Variants in MAP3K2 observed in about 807,000 individuals in gnomAD.
MAP3K2 encodes the protein mitogen-activated protein kinase kinase kinase 2.
MAP3K2 carries 24 observed loss-of-function variants against 80.3 expected under a neutral mutation model. The ratio of observed to expected loss-of-function variants is 0.30; its 90% CI spans 0.22 to 0.42. The LOEUF (loss-of-function observed/expected upper bound fraction) is 0.42, where lower values mean the gene tolerates loss of function less well. Among genes scored for constraint, MAP3K2 ranks in the 10% least tolerant of loss-of-function variants. MAP3K2 has a pLI of 1.00. For missense variants in MAP3K2, 608 were observed against 750.1 expected, an observed-to-expected ratio of 0.81 and a Z score of 2.21; for synonymous variants, 244 against 253.7, an observed-to-expected ratio of 0.96 and a Z score of 0.36.
chr2:127,335,443 C>A (rs934775190), intron 5 of MAP3K2, among the ~76,000 whole-genome samples: 1 of 152,198 alleles, frequency 6.6e-6, no homozygotes, highest in Non-Finnish European at 1.5e-5. Flanking sequence ...ATCATACATA[C>A]TGATTCCCAA....
rs370547474 is a variant in MAP3K2 at position 127,365,692 on chromosome 2, AGT to A, written c.-66+21758_-66+21759del. Among the ~76,000 whole-genome samples, 619 of 152,288 alleles carry A rather than the reference AGT, an allele frequency of 4.1e-3. 4 individuals are homozygous for A. Among genetic ancestry groups the A allele is most frequent in the African/African-American group, 0.014 (577 of 41,554 alleles). On this transcript the variant is annotated intron_variant, in intron 1 of 16. Coordinates refer to ENST00000682094, the MANE Select transcript of MAP3K2 (RefSeq NM_001371910.2). ...TCTCCACAGACTTTTCACCAGCTCC[AGT>A]GTGTGGTCCCACTCCAGTAGCTGGG...
intron 1 of MAP3K2, among the ~76,000 whole-genome samples, chr2:127,373,150 G>A (rs1421912848): frequency 1.3e-5 from 2 of 152,202 alleles, no homozygotes; most frequent in South Asian, 2.1e-4. Context: ...GTCCTACCAT[G>A]TGTCAGTATC....
chr2:127,332,648 A>T (rs1686282825), intron 5 of MAP3K2, among the ~76,000 whole-genome samples: 1 of 152,220 alleles, frequency 6.6e-6, no homozygotes, highest in African/African-American at 2.4e-5. Context: ...TGGTGAATTC[A>T]TTTCAGTCTC....
At chr2:127,375,554 C>T (rs1187786673) in intron 1 of MAP3K2, among the ~76,000 whole-genome samples, 1 of 151,920 alleles carries the variant, frequency 6.6e-6, no homozygotes, top group Non-Finnish European at 1.5e-5. Context: ...AGACCACAGG[C>T]ACATGCCACC....
At position 127,300,434 on chromosome 2, in the gene MAP3K2, A is replaced by C. The variant is rs1685569250; in HGVS notation, c.*7145T>G. Reference sequence around the variant, plus strand: ...TTAATGGCTACATTTAAAAATGTACATTATTATGTCAAAGGGTAAATTTAC... The same window carrying C: ...TTAATGGCTACATTTAAAAATGTACCTTATTATGTCAAAGGGTAAATTTAC... On this transcript the variant is annotated 3_prime_UTR_variant, in exon 17 of 17. Coordinates refer to ENST00000682094, the MANE Select transcript of MAP3K2 (RefSeq NM_001371910.2). 1 of 148,742 alleles carries C rather than the reference A, an allele frequency of 6.7e-6. No homozygotes were observed. The highest frequency in any genetic ancestry group is 2.1e-4 in the South Asian group (1 of 4,836). 9.2% of individuals were successfully genotyped at this position (148,742 alleles called of 1,614,324 possible). A position where few individuals can be genotyped will look rare whatever the true frequency, so the allele number is the denominator to read the frequency against.
intron 1 of MAP3K2, among the ~76,000 whole-genome samples, chr2:127,378,574 G>A (rs115352053): frequency 0.012 from 1,816 of 152,098 alleles, 37 homozygotes; most frequent in African/African-American, 0.042. Context: ...CAGTAAAATT[G>A]TAAATATGAA....
rs775098271 is a variant in MAP3K2 at position 127,318,311 on chromosome 2, C to T, written c.1052G>A (p.Arg351Gln). 3.8e-6 allele frequency: 6 copies of T among 1,583,006 alleles called. No homozygotes were observed. Among genetic ancestry groups the T allele is most frequent in the South Asian group, 1.2e-5 (1 of 84,354 alleles). The change falls in exon 13 of 17, where the codon CGA (arginine) becomes CAA (glutamine). Residue 351 changes from arginine to glutamine, a missense_variant. Physicochemically the swap from Arg to Gln is conservative, Grantham distance 43. Coordinates refer to ENST00000682094, the MANE Select transcript of MAP3K2 (RefSeq NM_001371910.2). ...GCCCAATCTCCAGTTGGTCGGAGCT[C>T]GAGGTGCTGAAAAAGAACACTTTCT... is the stretch of plus-strand genomic sequence containing the variant. ...MDISPPSRSPRAPTNWRLGKL... is the reference protein window; with the variant it reads ...MDISPPSRSPQAPTNWRLGKL...
Position 127,321,987 on chromosome 2 carries a change from A to T in MAP3K2, c.1045+59T>A. ...CACTTAGTATTTATTCCTTTTAATA[A>T]TATAAAATTCTGCAAAGATTCTGCT... On this transcript the variant is annotated intron_variant, in intron 12 of 16. Transcript: ENST00000682094. The surrounding 1 kb of genome is among the most constrained non-coding windows in gnomAD (Gnocchi z 4.4). The T allele has an allele frequency of 2.1e-6, 3 of 1,406,112 alleles. No individual in the cohort carries two copies. The highest frequency in any genetic ancestry group is 2.0e-6 in the Non-Finnish European group (2 of 1,014,650). 87.1% of individuals were successfully genotyped at this position (1,406,112 alleles called of 1,614,324 possible).
chr2:127,307,573 T>A lies in MAP3K2; in HGVS notation c.*6A>T. The A allele has an allele frequency of 6.4e-7, 1 of 1,553,656 alleles. No homozygotes were observed. On this transcript the variant is annotated 3_prime_UTR_variant, in exon 17 of 17. Coordinates refer to ENST00000682094, the MANE Select transcript of MAP3K2 (RefSeq NM_001371910.2). This position sits in a 1 kb window ranked among gnomAD's most constrained non-coding sequence, Gnocchi z 5.4. Reference sequence around the variant, plus strand: ...TAGGTAGAGGCACAGGAGAGGTTACTGGCTGCTAGTGATAATGCACAAACA... The same window carrying A: ...TAGGTAGAGGCACAGGAGAGGTTACAGGCTGCTAGTGATAATGCACAAACA...
chr2:127,317,553 AC>A (rs1685930473), intron 14 of MAP3K2, 75 bp downstream of exon 14: 1 of 1,257,748 alleles, frequency 8.0e-7, no homozygotes. Flanking sequence ...TTTATAATCT[AC>A]GTTTTTGTTG....
chr2:127,326,944 A>G (rs1686153752), intron 7 of MAP3K2, 127 bp from the exon 8 acceptor site: 2 of 547,884 alleles, frequency 3.7e-6, no homozygotes, highest in Admixed American at 6.9e-5. Context: ...TTTTATTAAA[A>G]CTTATCAGAA....
chr2:127,381,613 A>G (rs1574010867), intron 1 of MAP3K2, among the ~76,000 whole-genome samples: 1 of 152,346 alleles, frequency 6.6e-6, no homozygotes, highest in Non-Finnish European at 1.5e-5. Context: ...CTATTAGGTA[A>G]AAGATCACTG....
chr2:127,356,684 GA>G (rs1484469762), intron 1 of MAP3K2, among the ~76,000 whole-genome samples: 1 of 152,142 alleles, frequency 6.6e-6, no homozygotes, highest in Non-Finnish European at 1.5e-5. Flanking sequence ...ATATGCAGAA[GA>G]ATGAAACTGA....
intron 1 of MAP3K2, among the ~76,000 whole-genome samples, chr2:127,346,895 G>A (rs1047709409): frequency 2.0e-5 from 3 of 152,070 alleles, no homozygotes; most frequent in African/African-American, 7.3e-5. Flanking sequence ...GGCTGAGGCA[G>A]GTGACTCCCT....
intron 1 of MAP3K2, among the ~76,000 whole-genome samples, chr2:127,367,758 A>C (rs202162044): frequency 6.6e-6 from 1 of 152,142 alleles, no homozygotes; most frequent in East Asian, 1.9e-4. Flanking sequence ...GCACCACTGC[A>C]CTCCAGCCTG....
chr2:127,367,199 T>C (rs774141154), intron 1 of MAP3K2, among the ~76,000 whole-genome samples: 28 of 152,196 alleles, frequency 1.8e-4, no homozygotes, highest in South Asian at 6.2e-4. Flanking sequence ...GTTGGATTAA[T>C]GTCACATCAT....
chr2:127,372,975 T>G (rs1687091963), intron 1 of MAP3K2, among the ~76,000 whole-genome samples: 1 of 152,226 alleles, frequency 6.6e-6, no homozygotes, highest in Non-Finnish European at 1.5e-5. Context: ...CCCACGGCCA[T>G]TCGACATTGG....
intron 1 of MAP3K2, among the ~76,000 whole-genome samples, chr2:127,385,780 A>G (rs1246052286): frequency 6.6e-6 from 1 of 152,230 alleles, no homozygotes; most frequent in African/African-American, 2.4e-5. Flanking sequence ...AGTATCAAAC[A>G]TGACTTTATT....
chr2:127,363,278 C>T (rs1686920701), intron 1 of MAP3K2, among the ~76,000 whole-genome samples: 1 of 152,084 alleles, frequency 6.6e-6, no homozygotes, highest in South Asian at 2.1e-4. Flanking sequence ...TTAACATATG[C>T]TTACTGTGTG....
Sources: gnomAD v4.1 joint callset for allele counts (sites outside exome capture counted in the v4.1 genomes callset) on GRCh38, gnomAD v4.1.1 for gene constraint, Gnocchi (gnomAD v3.1) non-coding constraint, MANE v1.5 for transcripts, NCBI Gene and HGNC (gene_info 2026-07-23, HGNC 2026-07-21) for gene names.